ABI2: variants seen among roughly 807,000 people sequenced by gnomAD.
ABI2 encodes abelson interactor 2.
Under a neutral mutation model 59.2 loss-of-function variants are expected in ABI2, and 25 were observed. The observed-to-expected ratio is 0.42, with a 90% CI of 0.31 to 0.59. ABI2 has a LOEUF of 0.59. Among genes scored for constraint, ABI2 ranks in the 20% least tolerant of loss-of-function variants. The pLI is 0.14. For synonymous variants in ABI2, 213 were observed against 235.5 expected (o/e 0.90, Z 0.87); for missense variants, 545 against 681.8 (o/e 0.80, Z 2.23).
chr2:203,358,181 T>C (rs1204344627), intron 1 of ABI2, among the ~76,000 whole-genome samples: 1 of 150,022 alleles, frequency 6.7e-6, no homozygotes, highest in African/African-American at 2.5e-5. Context: ...CAGTGGTAGT[T>C]AGTCATAGCT....
intron 2 of ABI2, among the ~76,000 whole-genome samples, chr2:203,378,402 T>C (rs530576154): frequency 2.3e-4 from 35 of 152,344 alleles, no homozygotes; most frequent in Admixed American, 4.6e-4. Flanking sequence ...TGAGCCACCA[T>C]GCCTGGCTGA....
rs139502276 is a variant in ABI2 at position 203,383,768 on chromosome 2, C to T, written c.480+1562C>T. ...TTAGAAGTCTCCTGATGAGCAATAG[C>T]ATTATGGATTCCTTATCCTCATTTT... On this transcript the variant is annotated intron_variant, in intron 4 of 11. Transcript: ENST00000261018. 7.0e-3 allele frequency among the ~76,000 whole-genome samples: 1,071 copies of T among 152,288 alleles called. 11 individuals are homozygous for T. Among genetic ancestry groups the T allele is most frequent in the Non-Finnish European group, 0.012 (788 of 68,008 alleles).
intron 3 of ABI2, among the ~76,000 whole-genome samples, chr2:203,381,332 A>G (rs1270237686): frequency 6.6e-6 from 1 of 152,216 alleles, no homozygotes; most frequent in Non-Finnish European, 1.5e-5. Context: ...GCTGGAGTGC[A>G]GTGGCACAAT....
At chr2:203,360,203 AAAAAG>A (rs1167524589) in intron 1 of ABI2, among the ~76,000 whole-genome samples, 6 of 151,796 alleles carry the variant, frequency 4.0e-5, no homozygotes, top group Non-Finnish European at 8.8e-5. Context: ...AAAAAAAAAA[AAAAAG>A]AAGCAGTTGT....
chr2:203,416,887 G>T (rs1372212981), intron 10 of ABI2, 21 bp from the exon 11 acceptor site: 1 of 1,594,180 alleles, frequency 6.3e-7, no homozygotes, highest in African/African-American at 1.3e-5. Context: ...TAGTTTTGTT[G>T]TCAGCCTGAT....
chr2:203,346,917 T>G (rs1413852790), intron 1 of ABI2, among the ~76,000 whole-genome samples: 1 of 152,248 alleles, frequency 6.6e-6, no homozygotes, highest in African/African-American at 2.4e-5. Flanking sequence ...GCTGCCCGAC[T>G]TCATGTGCTA....
At chr2:203,415,817 G>A (rs531388586) in intron 10 of ABI2, among the ~76,000 whole-genome samples, 25 of 152,184 alleles carry the variant, frequency 1.6e-4, no homozygotes, top group African/African-American at 3.4e-4. Context: ...TTGTGCTCAC[G>A]TATTTACCAA....
intron 1 of ABI2, among the ~76,000 whole-genome samples, chr2:203,359,705 C>T (rs1380262953): frequency 2.0e-5 from 3 of 152,034 alleles, no homozygotes; most frequent in African/African-American, 7.2e-5. Flanking sequence ...CCTCATTTGG[C>T]AGAAGGGACA....
chr2:203,364,026 A>C (rs1293677510), intron 1 of ABI2, among the ~76,000 whole-genome samples: 1 of 151,588 alleles, frequency 6.6e-6, no homozygotes, highest in African/African-American at 2.4e-5. Context: ...GGCCTCCCAA[A>C]GTGCTGGAAT....
At chr2:203,358,755 A>C (rs2092835003) in intron 1 of ABI2, among the ~76,000 whole-genome samples, 1 of 152,210 alleles carries the variant, frequency 6.6e-6, no homozygotes, top group Admixed American at 6.5e-5. Flanking sequence ...CACACCTGTA[A>C]TTCCAGCACT....
At position 203,380,235 on chromosome 2, in the gene ABI2, G is replaced by T. The variant is rs1337073668; in HGVS notation, c.313G>T (p.Ala105Ser). ...AGTTGATATTCATAAAGAGAAAGTT[G>T]CAAGAAGAGAAATTGGTATTTTGAC... The part of the protein sequence containing the change: ...QTVDIHKEKV[A>S]RREIGILTTN... Residue 105 changes from alanine to serine, a missense_variant, in exon 3 of 12, where the codon GCA becomes TCA. Coordinates refer to ENST00000261018, the MANE Select transcript of ABI2 (RefSeq NM_001375670.1). 6.3e-7 allele frequency: 1 copy of T among 1,586,866 alleles called. No individual in the cohort carries two copies. Among genetic ancestry groups the T allele is most frequent in the Admixed American group, 1.9e-5 (1 of 53,260 alleles).
intron 1 of ABI2, among the ~76,000 whole-genome samples, chr2:203,346,222 C>T (rs1389939140): frequency 6.6e-6 from 1 of 152,152 alleles, no homozygotes; most frequent in Non-Finnish European, 1.5e-5. Flanking sequence ...TATTTCCCAA[C>T]TATTTAAATC....
At chr2:203,399,264 G>A (rs925863326) in intron 8 of ABI2, among the ~76,000 whole-genome samples, 2 of 152,056 alleles carry the variant, frequency 1.3e-5, no homozygotes, top group Non-Finnish European at 2.9e-5. Flanking sequence ...CATTACATGT[G>A]TGGTTTGGAT....
chr2:203,358,616 A>C (rs1337674631), intron 1 of ABI2, among the ~76,000 whole-genome samples: 1 of 152,222 alleles, frequency 6.6e-6, no homozygotes. Flanking sequence ...TCAGATGGGC[A>C]TACTCCATTT....
intron 11 of ABI2, among the ~76,000 whole-genome samples, chr2:203,422,928 C>T (rs2098278355): frequency 1.3e-5 from 2 of 152,124 alleles, no homozygotes; most frequent in Non-Finnish European, 2.9e-5. Context: ...GTTTTGCTGG[C>T]TTAGGATGAA....
chr2:203,416,727 A>C (rs982747277), intron 10 of ABI2, among the ~76,000 whole-genome samples, 181 bp from the exon 11 acceptor site: 1 of 152,230 alleles, frequency 6.6e-6, no homozygotes, highest in Non-Finnish European at 1.5e-5. Context: ...GGAGAACGTC[A>C]TACTTGGAGC....
chr2:203,332,598 C>T (rs747772459), intron 1 of ABI2, among the ~76,000 whole-genome samples: 4 of 152,192 alleles, frequency 2.6e-5, no homozygotes, highest in Admixed American at 2.6e-4. Context: ...GCACTCCAGC[C>T]TGGGCGACAG....
At position 203,328,670 on chromosome 2, in the gene ABI2, C is replaced by T. The variant is rs776563773; in HGVS notation, c.117+39C>T. The T allele has an allele frequency of 2.1e-6, 3 of 1,419,986 alleles. No individual in the cohort carries two copies. The South Asian group carries it at 4.4e-5, about 21-fold the overall frequency. The allele number at this position is 1,419,986 out of a possible 1,614,324, so 88.0% of individuals were successfully genotyped here. A position where few individuals can be genotyped will look rare whatever the true frequency, so the allele number is the denominator to read the frequency against. On this transcript the variant is annotated intron_variant, in intron 1 of 11. Transcript: ENST00000261018. ...CCAGCTGGGCCGCGTCGGGGACCCC[C>T]CCGCCGGGGGCCGCGCGCCTCGGGG... is the stretch of plus-strand genomic sequence containing the variant.
rs529794533 is a variant in ABI2, at chr2:203,328,665, A to ACCC, written c.117+39_117+41dup. The stretch of plus-strand genomic sequence containing the variant: ...CATCCCCAGCTGGGCCGCGTCGGGG[A>ACCC]CCCCCCCGCCGGGGGCCGCGCGCCT... On this transcript the variant is annotated intron_variant, in intron 1 of 11. Coordinates refer to ENST00000261018, the MANE Select transcript of ABI2 (RefSeq NM_001375670.1). 5 of 1,414,440 alleles carry ACCC rather than the reference A, an allele frequency of 3.5e-6. No individual in the cohort carries two copies. The African/African-American group carries it at 6.1e-5, about 17-fold the overall frequency. The allele number at this position is 1,414,440 out of a possible 1,614,324, so 87.6% of individuals were successfully genotyped here. A position where few individuals can be genotyped will look rare whatever the true frequency, so the allele number is the denominator to read the frequency against.
Sources: allele counts gnomAD v4.1 joint callset (sites outside exome capture counted in the v4.1 genomes callset), GRCh38; gene constraint gnomAD v4.1.1; transcripts MANE v1.5; gene names NCBI Gene and HGNC (gene_info 2026-07-23, HGNC 2026-07-21).